The following SEC16A variants were observed in gnomAD, a reference collection of about 807,000 sequenced individuals.
SEC16A encodes the protein SEC16 homolog A, endoplasmic reticulum export factor.
A neutral mutation model predicts 221.9 loss-of-function variants in SEC16A; 110 were observed. That is an observed-to-expected ratio of 0.50 (90% CI 0.42 to 0.58). The LOEUF is 0.58. SEC16A is among the 20% of genes least tolerant of loss of function. The probability of loss-of-function intolerance (pLI) is 0.00; values close to 1 mark genes in which losing one functional copy is unlikely to be tolerated. For synonymous variants in SEC16A, 1,393 were observed against 1,257.7 expected (o/e 1.11, Z -2.28); for missense variants, 3,165 against 3,097.8 (o/e 1.02, Z -0.52).
chr9:136,458,097 A>C (rs1004745599), intron 17 of SEC16A, among the ~76,000 whole-genome samples: 5 of 150,696 alleles, frequency 3.3e-5, no homozygotes, highest in Non-Finnish European at 7.4e-5. Flanking sequence ...CTGGGAACAC[A>C]GGTGCATGCT....
intron 1 of SEC16A, among the ~76,000 whole-genome samples, 199 bp downstream of exon 1, chr9:136,482,739 G>A (rs892487783): frequency 6.6e-6 from 1 of 152,014 alleles, no homozygotes; most frequent in African/African-American, 2.4e-5. Flanking sequence ...CGCCGCGTCC[G>A]GCCTTCCGCT....
At chr9:136,465,375 CGA>C (rs1405869917) in intron 8 of SEC16A, among the ~76,000 whole-genome samples, 1 of 151,978 alleles carries the variant, frequency 6.6e-6, no homozygotes, top group African/African-American at 2.4e-5. Context: ...CGTTTGAACC[CGA>C]GATGCAGAAG....
Position 136,459,048 on chromosome 9 carries a change from AT to A in SEC16A, c.5409+85del. The A allele has an allele frequency of 1.1e-6, 1 of 927,880 alleles. No individual in the cohort carries two copies. The highest frequency in any genetic ancestry group is 1.6e-6 in the Non-Finnish European group (1 of 624,646). 57.5% of individuals were successfully genotyped at this position (927,880 alleles called of 1,614,324 possible). On this transcript the variant is annotated intron_variant, in intron 17 of 31. Coordinates refer to ENST00000684901, the MANE Select transcript of SEC16A (RefSeq NM_014866.2). This position sits in a 1 kb window ranked among gnomAD's most constrained non-coding sequence, Gnocchi z 6.1. The stretch of plus-strand genomic sequence containing the variant: ...ACTCACATCATTTTTTTCGATACCA[AT>A]TCAAACAATCTAAGTAGCCAAAAGC...
chr9:136,443,840 G>A lies in SEC16A; in HGVS notation c.6988C>T (p.Pro2330Ser), dbSNP rs369325234. The A allele has an allele frequency of 3.5e-5, 57 of 1,612,232 alleles. No individual in the cohort carries two copies. Among genetic ancestry groups the A allele is most frequent in the Non-Finnish European group, 3.4e-5 (40 of 1,179,224 alleles). The change falls in exon 31 of 32, where the codon CCT becomes TCT. Residue 2330 changes from proline to serine, a missense_variant. Physicochemically the swap from Pro to Ser is moderately conservative, Grantham distance 74. Coordinates refer to ENST00000684901, the MANE Select transcript of SEC16A (RefSeq NM_014866.2). ...TCACTCACCTGTGCCAGCTGAGCAG[G>A]GTTGTAGAAGGGCATGGCCCCGCTG... is the stretch of plus-strand genomic sequence containing the variant. ...PPSGAMPFYN[P>S]AQLAQACATS...
At position 136,475,140 on chromosome 9, in the gene SEC16A, G is replaced by A; in HGVS notation, c.2476C>T (p.Pro826Ser). 2 of 1,613,944 alleles carry A rather than the reference G, an allele frequency of 1.2e-6. No homozygotes were observed. Among genetic ancestry groups the A allele is most frequent in the Non-Finnish European group, 1.7e-6 (2 of 1,179,882 alleles). The stretch of plus-strand genomic sequence containing the variant: ...TCAGGCTGAGCAATCAAGACTGGAG[G>A]ATTCTGCAGAGACTCAGTGGGCGGT... The part of the protein sequence containing the change: ...SSPPTESLQN[P>S]PVLIAQPDHS... The change falls in exon 3 of 32, where the codon CCT (proline) becomes TCT (serine). Residue 826 changes from proline (P) to serine (S), a missense_variant. By Grantham distance (74) the Pro-to-Ser change is moderately conservative. Around this residue, in one of 3 missense-constraint regions of SEC16A, gnomAD observed 2,030 missense variants for 1,923.1 expected, o/e 1.06. Coordinates refer to ENST00000684901, the MANE Select transcript of SEC16A (RefSeq NM_014866.2). The surrounding 1 kb of genome is among the most constrained non-coding windows in gnomAD (Gnocchi z 5.0).
rs1448814282 is a variant in SEC16A at position 136,459,248 on chromosome 9, G to A, written c.5304-9C>T. On this transcript the variant is annotated splice_polypyrimidine_tract_variant and intron_variant, in intron 16 of 31. Transcript: ENST00000684901. This position sits in a 1 kb window ranked among gnomAD's most constrained non-coding sequence, Gnocchi z 6.1. Reference sequence around the variant, plus strand: ...ACTTTAAGAATGGCAAACTGTAGAGGAAGTGAATTATTTTGATTTGGAAAA... The same window carrying A: ...ACTTTAAGAATGGCAAACTGTAGAGAAAGTGAATTATTTTGATTTGGAAAA... 10 of 1,610,414 alleles carry A rather than the reference G, an allele frequency of 6.2e-6. No homozygotes were observed. Among genetic ancestry groups the A allele is most frequent in the East Asian group, 2.2e-5 (1 of 44,854 alleles).
Position 136,466,063 on chromosome 9 carries a change from C to T in SEC16A, c.4202G>A (p.Gly1401Asp). ...GCGGTAGGTGCCGTAGGCAAAATCG[C>T]CGTGAAAGGAGCCTGGAGGAAGCGG... ...EAPLPPGSFH[G>D]DFAYGTYRSN... Residue 1401 changes from glycine (G) to aspartate (D), a missense_variant, in exon 8 of 32, where the codon GGC becomes GAC. Physicochemically the swap from Gly to Asp is moderately conservative, Grantham distance 94. Coordinates refer to ENST00000684901, the MANE Select transcript of SEC16A (RefSeq NM_014866.2). This position sits in a 1 kb window ranked among gnomAD's most constrained non-coding sequence, Gnocchi z 5.5. 6.2e-7 allele frequency: 1 copy of T among 1,613,232 alleles called. No individual in the cohort carries two copies. Among genetic ancestry groups the T allele is most frequent in the South Asian group, 1.1e-5 (1 of 91,064 alleles).
At chr9:136,468,883 T>C (rs1050582041) in intron 4 of SEC16A, among the ~76,000 whole-genome samples, 2 of 152,168 alleles carry the variant, frequency 1.3e-5, no homozygotes, top group East Asian at 3.8e-4. Context: ...CAGGTTTCAC[T>C]CTGTCGCATA....
chr9:136,484,273 A>G, upstream of SEC16A: 1 of 878,958 alleles, frequency 1.1e-6, no homozygotes, highest in Non-Finnish European at 1.4e-6. Flanking sequence ...TCGGGCGGCC[A>G]GAGCGACCCA....
chr9:136,472,087 G>A lies in SEC16A; in HGVS notation c.3592C>T (p.Arg1198Ter), dbSNP rs1407622267. The change falls in exon 4 of 32, where the codon CGA becomes TGA. Residue 1198 changes from arginine to a stop codon, truncating the protein, a stop_gained. Coordinates refer to ENST00000684901, the MANE Select transcript of SEC16A (RefSeq NM_014866.2). LOFTEE classifies it high-confidence loss of function. Reference protein sequence around the residue: ...YQDVYSLYEPRYRPYDGAASA... With the variant: ...YQDVYSLYEP ...GCAGCACCATCATAGGGCCTGTATC[G>A]AGGCTCATAGAGGCTGTAGACATCC... The A allele has an allele frequency of 4.3e-6, 7 of 1,613,714 alleles. No individual in the cohort carries two copies. Among genetic ancestry groups the A allele is most frequent in the South Asian group, 1.1e-5 (1 of 91,084 alleles).
chr9:136,467,566 C>G (rs977226648), intron 5 of SEC16A, among the ~76,000 whole-genome samples: 13 of 152,116 alleles, frequency 8.5e-5, no homozygotes, highest in African/African-American at 3.1e-4. Flanking sequence ...AATTTTACTA[C>G]TATTTCTTCT....
At chr9:136,482,900 T>C in intron 1 of SEC16A, 38 bp downstream of exon 1, 1 of 880,510 alleles carries the variant, frequency 1.1e-6, no homozygotes, top group African/African-American at 1.8e-5. Context: ...GCCTTCCTCC[T>C]CCCGCGCTCG....
At chr9:136,478,202 C>T (rs907241845) in intron 2 of SEC16A, among the ~76,000 whole-genome samples, 2 of 152,134 alleles carry the variant, frequency 1.3e-5, no homozygotes, top group South Asian at 2.1e-4. Context: ...CCCAGGAATT[C>T]GAGGCCAGCC....
intron 8 of SEC16A, among the ~76,000 whole-genome samples, chr9:136,465,521 G>A (rs956599031): frequency 1.0e-4 from 15 of 150,750 alleles, no homozygotes; most frequent in African/African-American, 2.7e-4. Context: ...ATATCTTTAC[G>A]TATATTTCTG....
chr9:136,472,066 C>T lies in SEC16A; in HGVS notation c.3613G>A (p.Ala1205Thr), dbSNP rs1840949452. 2 of 1,613,498 alleles carry T rather than the reference C, an allele frequency of 1.2e-6. No homozygotes were observed. The highest frequency in any genetic ancestry group is 2.2e-5 in the East Asian group (1 of 44,880). The change falls in exon 4 of 32, where the codon GCT becomes ACT. Residue 1205 changes from alanine to threonine, a missense_variant. Physicochemically the swap from Ala to Thr is moderately conservative, Grantham distance 58. Transcript: ENST00000684901. The part of the protein sequence containing the change: ...YEPRYRPYDG[A>T]ASAYAQNYRY... ...TAGTTCTGGGCGTAAGCAGACGCAGCACCATCATAGGGCCTGTATCGAGGC... is the reference window on the plus strand; with the variant it reads ...TAGTTCTGGGCGTAAGCAGACGCAGTACCATCATAGGGCCTGTATCGAGGC...
Position 136,475,901 on chromosome 9 carries a change from C to T in SEC16A, c.1715G>A (p.Gly572Glu), listed in dbSNP as rs1282554526. ...CACAGTGGTCTCGTCTGTTTCACCT[C>T]CTACGGGAGAAGAATCGATTTGCTT... ...FFKQIDSSPVGGETDETTVSQ... is the reference protein window; with the variant it reads ...FFKQIDSSPVEGETDETTVSQ... The change falls in exon 3 of 32, where the codon GGA becomes GAA. Residue 572 changes from glycine (G) to glutamate (E), a missense_variant. By Grantham distance (98) the Gly-to-Glu change is moderately conservative. This residue lies in a region of SEC16A where 2,030 missense variants were observed against 1,923.1 expected (regional missense o/e 1.06). Transcript: ENST00000684901. The surrounding 1 kb of genome is among the most constrained non-coding windows in gnomAD (Gnocchi z 5.0). 1.2e-6 allele frequency: 2 copies of T among 1,610,272 alleles called. No homozygotes were observed. The highest frequency in any genetic ancestry group is 2.2e-5 in the East Asian group (1 of 44,778).
At position 136,474,156 on chromosome 9, in the gene SEC16A, G is replaced by C; in HGVS notation, c.3460C>G (p.Gln1154Glu). ...TAGTAGTAGTAGGCGGCCAGGTCCTGAGGCGGTGGGCCGGGGGCAAGTGCA... is the reference window on the plus strand; with the variant it reads ...TAGTAGTAGTAGGCGGCCAGGTCCTCAGGCGGTGGGCCGGGGGCAAGTGCA... ...VPALAPGPPPQDLAAYYYYRP... is the reference protein window; with the variant it reads ...VPALAPGPPPEDLAAYYYYRP... The change falls in exon 3 of 32, where the codon CAG (glutamine) becomes GAG (glutamate). Residue 1154 changes from glutamine to glutamate, a missense_variant. Physicochemically the swap from Gln to Glu is conservative, Grantham distance 29 (BLOSUM62 2). This residue lies in a region of SEC16A where 2,030 missense variants were observed against 1,923.1 expected (regional missense o/e 1.06). Coordinates refer to ENST00000684901, the MANE Select transcript of SEC16A (RefSeq NM_014866.2). 1 of 1,613,342 alleles carries C rather than the reference G, an allele frequency of 6.2e-7. No homozygotes were observed.
rs1430773107 is a variant in SEC16A at position 136,459,116 on chromosome 9, C to G, written c.5409+18G>C. 3.8e-6 allele frequency: 6 copies of G among 1,582,444 alleles called. No homozygotes were observed. The highest frequency in any genetic ancestry group is 5.2e-6 in the Non-Finnish European group (6 of 1,156,488). On this transcript the variant is annotated intron_variant, in intron 17 of 31. Transcript: ENST00000684901. This position sits in a 1 kb window ranked among gnomAD's most constrained non-coding sequence, Gnocchi z 6.1. ...CCTGCCCAGCCATGACAGCTGCAGG[C>G]TGGCAGCACCTGCTTACCTGGAAAC... is the stretch of plus-strand genomic sequence containing the variant.
chr9:136,471,916 G>A (rs1268067069), intron 4 of SEC16A, 59 bp downstream of exon 4: 7 of 1,582,080 alleles, frequency 4.4e-6, no homozygotes, highest in Non-Finnish European at 6.0e-6. Flanking sequence ...CCCATAGCAA[G>A]CAACACAGAC....
Sources: gnomAD v4.1 joint callset for allele counts (sites outside exome capture counted in the v4.1 genomes callset) on GRCh38, gnomAD v4.1.1 for gene constraint, gnomAD v4.1.1 regional missense constraint, Gnocchi (gnomAD v3.1) non-coding constraint, MANE v1.5 for transcripts, NCBI Gene and HGNC (gene_info 2026-07-23, HGNC 2026-07-21) for gene names.